The following PROS1 variants were observed in gnomAD, a reference collection of about 807,000 sequenced individuals.
PROS1 encodes the protein vitamin K-dependent protein S.
In PROS1, 29 loss-of-function variants were observed where a neutral mutation model predicts 75.9. The observed-to-expected ratio is 0.38, with a 90% confidence interval of 0.28 to 0.52. The LOEUF is 0.52. Ranked by LOEUF, PROS1 falls within the 20% of genes least tolerant of loss-of-function variation. PROS1 has a pLI of 0.83. For synonymous variants in PROS1, 245 were observed against 280.6 expected (o/e 0.87, Z 1.27); for missense variants, 680 against 810.3 (o/e 0.84, Z 1.95).
intron 1 of PROS1, among the ~76,000 whole-genome samples, chr3:93,934,544 G>A (rs969285996): frequency 6.6e-6 from 1 of 152,168 alleles, no homozygotes; most frequent in Non-Finnish European, 1.5e-5. Context: ...ATTCTGTAAT[G>A]AACTGTATCT....
rs201323651 is a variant in PROS1, at chr3:93,970,991, AT to A, written c.76+2682del. ...GCCACTGCACTCCGGTCTGGGCAAG[AT>A]TTTTTTTAATCACAAAAATATTTTT... On this transcript the variant is annotated intron_variant, in intron 1 of 14. Transcript: ENST00000394236. 9.8e-3 allele frequency among the ~76,000 whole-genome samples: 1,488 copies of A among 151,590 alleles called. 30 individuals are homozygous for A. Among genetic ancestry groups the A allele is most frequent in the African/African-American group, 0.034 (1,388 of 41,348 alleles).
chr3:93,965,790 G>C (rs533285785), intron 1 of PROS1, among the ~76,000 whole-genome samples: 2 of 152,202 alleles, frequency 1.3e-5, no homozygotes, highest in African/African-American at 4.8e-5. Context: ...CACCTCCCAG[G>C]TCCCAGCGAT....
intron 1 of PROS1, among the ~76,000 whole-genome samples, chr3:93,931,693 T>C (rs1366446885): frequency 6.6e-6 from 1 of 152,156 alleles, no homozygotes; most frequent in African/African-American, 2.4e-5. Context: ...TGCAATACTT[T>C]TCCTGAGACT....
At chr3:93,923,444 T>C (rs1708971950) in intron 3 of PROS1, among the ~76,000 whole-genome samples, 1 of 152,216 alleles carries the variant, frequency 6.6e-6, no homozygotes, top group African/African-American at 2.4e-5. Flanking sequence ...ATATTGTCTA[T>C]TTTTATTATA....
chr3:93,952,490 A>C (rs1046045337), intron 1 of PROS1, among the ~76,000 whole-genome samples: 1 of 152,168 alleles, frequency 6.6e-6, no homozygotes, highest in Non-Finnish European at 1.5e-5. Flanking sequence ...TGGGTACATA[A>C]CAAAATGAAG....
intron 4 of PROS1, among the ~76,000 whole-genome samples, chr3:93,908,833 C>T (rs1222867450): frequency 6.6e-6 from 1 of 152,162 alleles, no homozygotes; most frequent in Non-Finnish European, 1.5e-5. Flanking sequence ...CTAAATGCCA[C>T]AACAAAATCA....
At chr3:93,912,495 A>G (rs1214131055) in intron 3 of PROS1, among the ~76,000 whole-genome samples, 2 of 152,176 alleles carry the variant, frequency 1.3e-5, no homozygotes, top group African/African-American at 4.8e-5. Flanking sequence ...GTCATTATTC[A>G]GCCTACCATG....
At chr3:93,970,901 G>C (rs1709869855) in intron 1 of PROS1, among the ~76,000 whole-genome samples, 2 of 152,176 alleles carry the variant, frequency 1.3e-5, no homozygotes, top group African/African-American at 4.8e-5. Context: ...TCAGAAGGCT[G>C]ATGGGAGGAT....
At chr3:93,897,670 T>G (rs758937889) in intron 8 of PROS1, among the ~76,000 whole-genome samples, 4 of 152,050 alleles carry the variant, frequency 2.6e-5, no homozygotes, top group Non-Finnish European at 4.4e-5. Flanking sequence ...GCAACAGCTA[T>G]AGAGGTATGT....
At chr3:93,943,591 A>G (rs1709328164) in intron 1 of PROS1, among the ~76,000 whole-genome samples, 1 of 151,998 alleles carries the variant, frequency 6.6e-6, no homozygotes, top group Admixed American at 6.6e-5. Context: ...ATTGACCATT[A>G]TCTCTCCATA....
At chr3:93,900,008 C>CATAT (rs8178637) in intron 7 of PROS1, among the ~76,000 whole-genome samples, 1 of 151,946 alleles carries the variant, frequency 6.6e-6, no homozygotes, top group African/African-American at 2.4e-5. Flanking sequence ...TACATACATA[C>CATAT]ATATATATAT....
At chr3:93,911,835 G>A (rs1458285903) in intron 3 of PROS1, among the ~76,000 whole-genome samples, 1 of 152,188 alleles carries the variant, frequency 6.6e-6, no homozygotes, top group African/African-American at 2.4e-5. Context: ...AGGGGTCCCA[G>A]GGTCCACCCA....
chr3:93,960,026 G>A (rs908845738), intron 1 of PROS1, among the ~76,000 whole-genome samples: 1 of 152,030 alleles, frequency 6.6e-6, no homozygotes, highest in Non-Finnish European at 1.5e-5. Context: ...AGGTTAAATA[G>A]GCAATAAGTA....
At chr3:93,913,191 G>T (rs185159000) in intron 3 of PROS1, among the ~76,000 whole-genome samples, 1 of 152,208 alleles carries the variant, frequency 6.6e-6, no homozygotes, top group Admixed American at 6.5e-5. Context: ...TTCTGCATTC[G>T]TTCTCCTTCC....
chr3:93,963,298 G>A (rs1709735900), intron 1 of PROS1, among the ~76,000 whole-genome samples: 2 of 152,178 alleles, frequency 1.3e-5, no homozygotes, highest in Non-Finnish European at 1.5e-5. Flanking sequence ...TAAGCGGGAT[G>A]CTGTCTTTTC....
chr3:93,949,600 C>G (rs938963149), intron 1 of PROS1, among the ~76,000 whole-genome samples: 3 of 151,604 alleles, frequency 2.0e-5, no homozygotes, highest in Admixed American at 6.6e-5. Flanking sequence ...ATATACAAAT[C>G]TATAAGAAAA....
At chr3:93,896,769 G>A in intron 8 of PROS1, 78 bp from the exon 9 acceptor site, 1 of 1,099,030 alleles carries the variant, frequency 9.1e-7, no homozygotes, top group South Asian at 1.3e-5. Flanking sequence ...GTGAGGTCAT[G>A]CATTTTTGTT....
chr3:93,907,139 TG>T (rs8178629), intron 4 of PROS1, among the ~76,000 whole-genome samples: 2 of 152,152 alleles, frequency 1.3e-5, no homozygotes, highest in Non-Finnish European at 2.9e-5. Context: ...TGCTGACTGA[TG>T]GGGGAACACT....
intron 1 of PROS1, among the ~76,000 whole-genome samples, chr3:93,940,178 T>C (rs1709260704): frequency 6.6e-6 from 1 of 152,042 alleles, no homozygotes; most frequent in Middle Eastern, 3.2e-3. Context: ...AATCGGACAG[T>C]CCAACTCACC....
Sources: allele counts gnomAD v4.1 joint callset (sites outside exome capture counted in the v4.1 genomes callset), GRCh38; gene constraint gnomAD v4.1.1; transcripts MANE v1.5; gene names NCBI Gene and HGNC (gene_info 2026-07-23, HGNC 2026-07-21).